Variants in PPP2R5C observed in about 807,000 individuals in gnomAD.
PPP2R5C encodes serine/threonine-protein phosphatase 2A 56 kDa regulatory subunit gamma isoform.
A neutral mutation model predicts 68.9 loss-of-function variants in PPP2R5C; 7 were observed. That is an observed-to-expected ratio of 0.10 (90% CI 0.06 to 0.19). The LOEUF (loss-of-function observed/expected upper bound fraction) is 0.19. PPP2R5C is among the 10% of genes least tolerant of loss of function. The pLI, the probability that PPP2R5C is intolerant of heterozygous loss-of-function variation, is 1.00. For missense variants in PPP2R5C, 348 were observed against 641.3 expected, an observed-to-expected ratio of 0.54 and a Z score of 4.94; for synonymous variants, 210 against 222.2, an observed-to-expected ratio of 0.95 and a Z score of 0.49.
At chr14:101,910,413 G>A (rs1566963249) in intron 11 of PPP2R5C, among the ~76,000 whole-genome samples, 1 of 152,148 alleles carries the variant, frequency 6.6e-6, no homozygotes, top group Non-Finnish European at 1.5e-5. Context: ...GTGTGTGTGT[G>A]TGTGTGTATA....
intron 3 of PPP2R5C, among the ~76,000 whole-genome samples, chr14:101,789,033 G>C (rs1222355795): frequency 6.6e-6 from 1 of 152,054 alleles, no homozygotes; most frequent in Non-Finnish European, 1.5e-5. Flanking sequence ...TTAATCTCAT[G>C]CAGAGCTATT....
At chr14:101,760,592 A>C, upstream of PPP2R5C, 1 of 644,794 alleles carries the variant, frequency 1.6e-6, no homozygotes, top group Non-Finnish European at 1.9e-6. Context: ...GGAGGGCGGG[A>C]CCAACCAGGA....
chr14:101,800,997 C>T (rs1368362103), intron 3 of PPP2R5C, among the ~76,000 whole-genome samples: 1 of 152,030 alleles, frequency 6.6e-6, no homozygotes, highest in Non-Finnish European at 1.5e-5. Flanking sequence ...TGTGATCTTA[C>T]TCATGTGGGA....
chr14:101,893,674 C>T (rs1566947199), intron 7 of PPP2R5C, among the ~76,000 whole-genome samples: 2 of 152,136 alleles, frequency 1.3e-5, no homozygotes, highest in African/African-American at 2.4e-5. Flanking sequence ...CGCTTGAACC[C>T]GGGAGGCGGA....
chr14:101,920,396 C>T (rs1340363679), intron 13 of PPP2R5C, among the ~76,000 whole-genome samples: 1 of 152,234 alleles, frequency 6.6e-6, no homozygotes, highest in Non-Finnish European at 1.5e-5. Context: ...CACACACAGG[C>T]AGGACAGTTC....
At chr14:101,848,510 C>T (rs1347508819) in intron 1 of PPP2R5C, among the ~76,000 whole-genome samples, 1 of 151,854 alleles carries the variant, frequency 6.6e-6, no homozygotes, top group Non-Finnish European at 1.5e-5. Context: ...TGCACTCCAG[C>T]CTGGGCAACA....
intron 11 of PPP2R5C, 34 bp from the exon 14 acceptor site, chr14:101,912,367 T>C: frequency 6.4e-7 from 1 of 1,557,108 alleles, no homozygotes; most frequent in East Asian, 2.3e-5. Flanking sequence ...GTCTGATGCA[T>C]CTCTAACACA....
intron 6 of PPP2R5C, among the ~76,000 whole-genome samples, 178 bp downstream of exon 8, chr14:101,890,474 A>C (rs1343647548): frequency 6.6e-6 from 1 of 152,198 alleles, no homozygotes; most frequent in African/African-American, 2.4e-5. Context: ...GAGCACGCCA[A>C]ATGACAAATC....
chr14:101,854,212 A>T (rs2042297384), intron 1 of PPP2R5C, among the ~76,000 whole-genome samples: 1 of 152,204 alleles, frequency 6.6e-6, no homozygotes, highest in Non-Finnish European at 1.5e-5. Flanking sequence ...TCCTACAGGC[A>T]GTACACCCCA....
chr14:101,830,784 G>T lies in PPP2R5C; in HGVS notation c.94+20748G>T, dbSNP rs144501926. On this transcript the variant is annotated intron_variant, in intron 1 of 13. Coordinates refer to ENST00000334743, the Ensembl canonical transcript of PPP2R5C. ...AGTTTCATCCAGCAAGGAATACAGA[G>T]AAGCAGCAATAGAGCCTGCCAGCCC... 2.6e-3 allele frequency among the ~76,000 whole-genome samples: 403 copies of T among 152,302 alleles called. 3 individuals carry two copies. The highest frequency in any genetic ancestry group is 3.5e-3 in the Non-Finnish European group (237 of 68,024).
At chr14:101,845,485 A>G (rs1415025512) in intron 1 of PPP2R5C, among the ~76,000 whole-genome samples, 1 of 138,190 alleles carries the variant, frequency 7.2e-6, no homozygotes, top group South Asian at 2.5e-4. Context: ...TTCCCCACCC[A>G]TTCCCTGGTA....
upstream of PPP2R5C, chr14:101,809,736 C>T (rs894553900): frequency 1.1e-5 from 12 of 1,124,660 alleles, no homozygotes; most frequent in Non-Finnish European, 1.4e-5. Context: ...GACAGCCAAA[C>T]AGAACGCTCT....
chr14:101,782,150 TC>T (rs1262912158), intron 2 of PPP2R5C, among the ~76,000 whole-genome samples: 1 of 44,176 alleles, frequency 2.3e-5, no homozygotes, highest in Non-Finnish European at 4.3e-5. Flanking sequence ...CATCCCTCTC[TC>T]TCCCCTCTCT....
chr14:101,883,855 T>G (rs909744529), intron 5 of PPP2R5C, among the ~76,000 whole-genome samples: 1 of 152,190 alleles, frequency 6.6e-6, no homozygotes, highest in South Asian at 2.1e-4. Context: ...AGGTCAAGTT[T>G]CCTGGAAATG....
Position 101,797,493 on chromosome 14 carries a change from C to T in PPP2R5C, c.259+11310C>T. The T allele has an allele frequency of 3.0e-6, 1 of 336,084 alleles. No individual in the cohort carries two copies. Among genetic ancestry groups the T allele is most frequent in the Non-Finnish European group, 5.9e-6 (1 of 168,110 alleles). The allele number at this position is 336,084 out of a possible 1,614,324, so 20.8% of individuals were successfully genotyped here. A position where few individuals can be genotyped will look rare whatever the true frequency, so the allele number is the denominator to read the frequency against. ...CTGGCCCCTCTGCCCTCTTTCTCCA[C>T]CCTCTCCATTTTCACCGAGATGGTT... On this transcript the variant is annotated intron_variant, in intron 3 of 14. Transcript: ENST00000328724. The surrounding 1 kb of genome is among the most constrained non-coding windows in gnomAD (Gnocchi z 4.2).
At chr14:101,865,033 G>T (rs1020536593) in intron 2 of PPP2R5C, among the ~76,000 whole-genome samples, 4 of 152,198 alleles carry the variant, frequency 2.6e-5, no homozygotes, top group African/African-American at 7.2e-5. Flanking sequence ...ACACGATTCG[G>T]GGTGGATTTG....
At position 101,877,386 on chromosome 14, in the gene PPP2R5C, C is replaced by T. The variant is rs563013216; in HGVS notation, c.295-4775C>T. ...GCCTTTGTTGGGCAGCGTGATTCTG[C>T]GTCTGTGCCTCTGGGTGTGCGCTGG... On this transcript the variant is annotated intron_variant, in intron 2 of 13. Coordinates refer to ENST00000334743, the Ensembl canonical transcript of PPP2R5C. This position sits in a 1 kb window ranked among gnomAD's most constrained non-coding sequence, Gnocchi z 4.2. Among the ~76,000 whole-genome samples the T allele has an allele frequency of 5.9e-5, 9 of 152,220 alleles. No homozygotes were observed. The East Asian group carries it at 1.2e-3, about 20-fold the overall frequency.
chr14:101,881,899 T>C (rs1167071018), intron 2 of PPP2R5C, among the ~76,000 whole-genome samples: 1 of 152,220 alleles, frequency 6.6e-6, no homozygotes, highest in Admixed American at 6.5e-5. Flanking sequence ...TGGTGTTGGT[T>C]GTCATTCAAA....
chr14:101,849,048 C>G (rs2042002997), intron 1 of PPP2R5C, among the ~76,000 whole-genome samples: 1 of 152,160 alleles, frequency 6.6e-6, no homozygotes, highest in Non-Finnish European at 1.5e-5. Context: ...CCCTTTGATG[C>G]AACAGTATTT....
Sources: allele counts gnomAD v4.1 joint callset (sites outside exome capture counted in the v4.1 genomes callset), GRCh38; gene constraint gnomAD v4.1.1; non-coding constraint Gnocchi (gnomAD v3.1); transcripts MANE v1.5; gene names NCBI Gene and HGNC (gene_info 2026-07-23, HGNC 2026-07-21).